Variants in PLCG2 observed in about 807,000 individuals in gnomAD.
PLCG2 encodes the protein phospholipase C gamma 2, also known as 1-phosphatidylinositol 4,5-bisphosphate phosphodiesterase gamma-2.
In PLCG2, 69 loss-of-function variants were observed where a neutral mutation model predicts 175.6. That is an observed-to-expected ratio of 0.39 (90% CI 0.32 to 0.48). PLCG2 has a LOEUF of 0.48. Among genes scored for constraint, PLCG2 ranks in the 20% least tolerant of loss-of-function variants. The pLI, the probability that PLCG2 is intolerant of heterozygous loss-of-function variation, is 0.91. For synonymous variants in PLCG2, 827 were observed against 624.0 expected, an observed-to-expected ratio of 1.33 and a Z score of -4.85; for missense variants, 1,798 against 1,650.9, an observed-to-expected ratio of 1.09 and a Z score of -1.54.
chr16:81,858,162 T>G, intron 3 of PLCG2, 101 bp from the exon 4 acceptor site: 1 of 837,376 alleles, frequency 1.2e-6, no homozygotes, highest in African/African-American at 1.7e-5. Context: ...GAAACCAGCA[T>G]AGGCTTCTCC....
At chr16:81,778,043 C>CAAACAAACAAACAA (rs1910507100), upstream of PLCG2, among the ~76,000 whole-genome samples, 23 of 59,848 alleles carry the variant, frequency 3.8e-4, no homozygotes, top group African/African-American at 1.3e-3. Context: ...AAAAAAAAAA[C>CAAACAAACAAACAA]AAAAAAAAAA....
At position 81,937,879 on chromosome 16, in the gene PLCG2, G is replaced by T; in HGVS notation, c.3174G>T (p.Lys1058Asn). 6.2e-7 allele frequency: 1 copy of T among 1,614,136 alleles called. No homozygotes were observed. The highest frequency in any genetic ancestry group is 1.1e-5 in the South Asian group (1 of 91,080). Residue 1058 changes from lysine to asparagine, a missense_variant, in exon 28 of 33, where the codon AAG (lysine) becomes AAT (asparagine). Physicochemically the swap from Lys to Asn is moderately conservative, Grantham distance 94. Transcript: ENST00000564138. ...CGATGCCACCCGAGTCCCAGAGGAAGATCCTGATGACGCTGACAGTCAAGG... is the reference window on the plus strand; with the variant it reads ...CGATGCCACCCGAGTCCCAGAGGAATATCCTGATGACGCTGACAGTCAAGG... ...YDPMPPESQR[K>N]ILMTLTVKVL...
chr16:81,785,754 G>C (rs1442613846), intron 1 of PLCG2, 189 bp from the exon 2 acceptor site: 2 of 452,988 alleles, frequency 4.4e-6, no homozygotes, highest in Non-Finnish European at 7.9e-6. Flanking sequence ...TCACACTTCA[G>C]TTTCCATTTA....
intron 2 of PLCG2, among the ~76,000 whole-genome samples, chr16:81,815,568 C>T (rs1450543057): frequency 1.3e-5 from 2 of 152,188 alleles, no homozygotes; most frequent in Admixed American, 6.5e-5. Flanking sequence ...GCCTGTTGTT[C>T]TGAAGTTCTC....
intron 1 of PLCG2, among the ~76,000 whole-genome samples, chr16:81,780,246 G>A (rs999654017): frequency 2.6e-5 from 4 of 152,110 alleles, no homozygotes; most frequent in African/African-American, 9.7e-5. Flanking sequence ...TGGGACCCTG[G>A]GCAAGTTGAA....
chr16:81,923,653 T>A, intron 22 of PLCG2, 59 bp downstream of exon 22: 1 of 1,048,270 alleles, frequency 9.5e-7, no homozygotes, highest in Non-Finnish European at 1.5e-6. Flanking sequence ...CCCTTCTTGG[T>A]GATAAGACTC....
chr16:81,833,309 T>A (rs562698403), intron 2 of PLCG2, among the ~76,000 whole-genome samples: 1 of 152,302 alleles, frequency 6.6e-6, no homozygotes, highest in South Asian at 2.1e-4. Flanking sequence ...TCTGGAGGAC[T>A]GGGGCCTTCT....
At position 81,908,584 on chromosome 16, in the gene PLCG2, T is replaced by C. The variant is rs1344357292; in HGVS notation, c.1726T>C (p.Ser576Pro). ...GACCTTCCCCAATGACTACACCCTG[T>C]CCTTCTGGTAATGCCCCCGACCCAG... ...SETFPNDYTL[S>P]FWRSGRVQHC... is the part of the protein sequence containing the mutation. The change falls in exon 17 of 33, where the codon TCC becomes CCC. Residue 576 changes from serine (S) to proline (P), a missense_variant. Ser to Pro is a moderately conservative substitution (Grantham distance 74). Transcript: ENST00000564138. The C allele has an allele frequency of 6.2e-7, 1 of 1,608,436 alleles. No individual in the cohort carries two copies. The highest frequency in any genetic ancestry group is 8.5e-7 in the Non-Finnish European group (1 of 1,177,808).
chr16:81,889,175 C>A lies in PLCG2; in HGVS notation c.769C>A (p.His257Asn), dbSNP rs1908515387. ...QRFLIHEQQE[H>N]WAQDLNKVRE... is the part of the protein sequence containing the mutation. ...TCGTTCTCTTTGTCATTTTAAGGAGCATTGGGCTCAGGATCTGAACAAAGT... is the reference window on the plus strand; with the variant it reads ...TCGTTCTCTTTGTCATTTTAAGGAGAATTGGGCTCAGGATCTGAACAAAGT... The change falls in exon 10 of 33, where the codon CAT (histidine) becomes AAT (asparagine). Residue 257 changes from histidine (H) to asparagine (N), a missense_variant. Physicochemically the swap from His to Asn is moderately conservative, Grantham distance 68. Transcript: ENST00000564138. The A allele has an allele frequency of 5.1e-6, 8 of 1,578,156 alleles. No individual in the cohort carries two copies. The highest frequency in any genetic ancestry group is 1.1e-5 in the South Asian group (1 of 88,278).
At position 81,833,855 on chromosome 16, in the gene PLCG2, T is replaced by G. The variant is rs1294634563; in HGVS notation, c.194-20589T>G. Among the ~76,000 whole-genome samples the G allele has an allele frequency of 2.0e-5, 3 of 152,198 alleles. No homozygotes were observed. In the East Asian group the frequency reaches 5.8e-4, roughly 29 times the overall value. Reference sequence around the variant, plus strand: ...GAGCCACGGCGCCCGGCCTCCTGTGTGTCTTGCCTAACGATTGCCTTTGGC... The same window carrying G: ...GAGCCACGGCGCCCGGCCTCCTGTGGGTCTTGCCTAACGATTGCCTTTGGC... On this transcript the variant is annotated intron_variant, in intron 2 of 32. Coordinates refer to ENST00000564138, the MANE Select transcript of PLCG2 (RefSeq NM_002661.5).
At chr16:81,767,701 A>G (rs1302839166) in intron 2 of PLCG2, 2 of 152,094 alleles carry the variant, frequency 1.3e-5, no homozygotes, top group Non-Finnish European at 1.5e-5. Flanking sequence ...CTCCAACACA[A>G]TCAAAATATA....
chr16:81,929,183 T>G lies in PLCG2; in HGVS notation c.2581+559T>G, dbSNP rs1910398733. Among the ~76,000 whole-genome samples the G allele has an allele frequency of 2.0e-5, 3 of 152,178 alleles. No homozygotes were observed. In the South Asian group the frequency reaches 6.2e-4, roughly 31 times the overall value. ...GTCCAGTGGTGGCCAGGGTCTGATGTGTGCTGGGTTTCCTGGGTCTTGAGC... is the reference window on the plus strand; with the variant it reads ...GTCCAGTGGTGGCCAGGGTCTGATGGGTGCTGGGTTTCCTGGGTCTTGAGC... On this transcript the variant is annotated intron_variant, in intron 24 of 32. Transcript: ENST00000564138.
chr16:81,938,963 AATCCTT>A, intron 29 of PLCG2, 48 bp downstream of exon 29: 1 of 1,091,224 alleles, frequency 9.2e-7, no homozygotes, highest in Admixed American at 1.8e-5. Context: ...CCGGCCAGTG[AATCCTT>A]TGTGGGAGTG....
intron 2 of PLCG2, among the ~76,000 whole-genome samples, chr16:81,763,909 G>T (rs1216210413): frequency 6.6e-6 from 1 of 152,074 alleles, no homozygotes; most frequent in Non-Finnish European, 1.5e-5. Flanking sequence ...GGAGGTTTCA[G>T]TGAGCCAAGA....
intron 2 of PLCG2, among the ~76,000 whole-genome samples, chr16:81,802,152 G>A (rs961316690): frequency 4.0e-5 from 4 of 100,004 alleles, no homozygotes; most frequent in African/African-American, 1.1e-4. Context: ...TCGCTCTTTC[G>A]CCCAGGCCAG....
intron 2 of PLCG2, among the ~76,000 whole-genome samples, chr16:81,814,820 A>G (rs150190937): frequency 6.6e-6 from 1 of 152,204 alleles, no homozygotes; most frequent in East Asian, 1.9e-4. Context: ...ACCTCTCTGA[A>G]CCTTAGTTTC....
chr16:81,891,370 A>G (rs1908623073), intron 10 of PLCG2, 102 bp from the exon 11 acceptor site: 2 of 750,378 alleles, frequency 2.7e-6, no homozygotes, highest in South Asian at 3.0e-5. Flanking sequence ...GATTTCCCGC[A>G]TCAGAGCTGT....
At chr16:81,869,423 A>G (rs1475868357) in intron 6 of PLCG2, 125 bp downstream of exon 6, 7 of 705,530 alleles carry the variant, frequency 9.9e-6, no homozygotes, top group Non-Finnish European at 1.8e-5. Context: ...CCTCCAGAGT[A>G]CATCTTAGTT....
At chr16:81,762,925 C>G (rs1287897897) in intron 2 of PLCG2, among the ~76,000 whole-genome samples, 1 of 152,084 alleles carries the variant, frequency 6.6e-6, no homozygotes, top group Non-Finnish European at 1.5e-5. Flanking sequence ...GGAATGGTAG[C>G]ACATGCCTGT....
Sources: allele counts gnomAD v4.1 joint callset (sites outside exome capture counted in the v4.1 genomes callset), GRCh38; gene constraint gnomAD v4.1.1; transcripts MANE v1.5; gene names NCBI Gene and HGNC (gene_info 2026-07-23, HGNC 2026-07-21).